The following GDPD5 variants were observed in gnomAD, a reference collection of about 807,000 sequenced individuals.
GDPD5 encodes glycerophosphodiester phosphodiesterase 2.
GDPD5 carries 48 observed loss-of-function variants against 75.1 expected under a neutral mutation model. That is an observed-to-expected ratio of 0.64 (90% CI 0.51 to 0.81). The LOEUF (loss-of-function observed/expected upper bound fraction) is 0.81. GDPD5 is among the 40% of genes least tolerant of loss of function. The pLI, the probability that GDPD5 is intolerant of heterozygous loss-of-function variation, is 0.00. For synonymous variants in GDPD5, 336 were observed against 339.0 expected (o/e 0.99, Z 0.10); for missense variants, 706 against 822.6 (o/e 0.86, Z 1.73).
At chr11:75,463,830 C>G (rs1405402818) in intron 3 of GDPD5, among the ~76,000 whole-genome samples, 1 of 152,196 alleles carries the variant, frequency 6.6e-6, no homozygotes, top group Non-Finnish European at 1.5e-5. Flanking sequence ...CCTACACAAC[C>G]AGTTCCTGCA....
At chr11:75,471,456 A>G (rs1949662768) in intron 3 of GDPD5, among the ~76,000 whole-genome samples, 1 of 152,088 alleles carries the variant, frequency 6.6e-6, no homozygotes, top group South Asian at 2.1e-4. Context: ...GGTGCATTGC[A>G]CTCAGAGTGG....
intron 4 of GDPD5, among the ~76,000 whole-genome samples, chr11:75,458,345 C>G (rs1346772312): frequency 6.6e-6 from 1 of 152,188 alleles, no homozygotes; most frequent in Non-Finnish European, 1.5e-5. Context: ...CTTCTCTGAG[C>G]CTTAGTTTCC....
chr11:75,483,829 G>A (rs984886471), intron 2 of GDPD5, among the ~76,000 whole-genome samples: 3 of 152,212 alleles, frequency 2.0e-5, no homozygotes, highest in Admixed American at 1.3e-4. Flanking sequence ...GCCAGGGGCT[G>A]GGAGGATTGG....
rs932853127 is a variant in GDPD5, at chr11:75,449,509, C to T, written c.568+8G>A. ...TTGGAGGGGCAGGCCCTTCACAGTT[C>T]TACTCACAGGTCCGCTCTGCGCGGG... On this transcript the variant is annotated splice_region_variant and intron_variant, in intron 8 of 16. Coordinates refer to ENST00000336898, the MANE Select transcript of GDPD5 (RefSeq NM_030792.8). 5 of 1,563,016 alleles carry T rather than the reference C, an allele frequency of 3.2e-6. No individual in the cohort carries two copies. Among genetic ancestry groups the T allele is most frequent in the Middle Eastern group, 1.7e-4 (1 of 6,002 alleles).
At chr11:75,489,948 G>C (rs143631002) in intron 2 of GDPD5, among the ~76,000 whole-genome samples, 2 of 152,196 alleles carry the variant, frequency 1.3e-5, no homozygotes, top group African/African-American at 4.8e-5. Context: ...ATTTAATGGA[G>C]CAAGTTTCTA....
chr11:75,503,506 G>C (rs1950333953), intron 1 of GDPD5, among the ~76,000 whole-genome samples: 2 of 152,244 alleles, frequency 1.3e-5, no homozygotes, highest in South Asian at 4.1e-4. Flanking sequence ...TTTGAACCCA[G>C]GCAGTTTAGC....
chr11:75,444,390 T>C (rs781140851), intron 10 of GDPD5, 23 bp downstream of exon 10: 16 of 1,562,568 alleles, frequency 1.0e-5, no homozygotes. Context: ...GTAGAGGAAC[T>C]ATCTCCCCTC....
At position 75,454,545 on chromosome 11, in the gene GDPD5, C is replaced by T. The variant is rs117509680; in HGVS notation, c.375+2212G>A. On this transcript the variant is annotated intron_variant, in intron 6 of 16. Transcript: ENST00000336898. ...AAAAGACAGAAAGCAGCTGGGATGT[C>T]GATCCGGTCTATCAACAGGGAACTG... Among the ~76,000 whole-genome samples the T allele has an allele frequency of 2.7e-4, 41 of 152,328 alleles. No individual in the cohort carries two copies. In the East Asian group the frequency reaches 7.7e-3, roughly 29 times the overall value.
intron 1 of GDPD5, among the ~76,000 whole-genome samples, chr11:75,509,805 G>C (rs534553010): frequency 8.5e-5 from 13 of 152,220 alleles, no homozygotes; most frequent in Middle Eastern, 3.4e-3. Flanking sequence ...TCAGCCTCCC[G>C]AGGAGCTGGG....
At chr11:75,489,426 G>C (rs1950070658) in intron 2 of GDPD5, among the ~76,000 whole-genome samples, 1 of 152,184 alleles carries the variant, frequency 6.6e-6, no homozygotes, top group South Asian at 2.1e-4. Flanking sequence ...CAAATGTCGA[G>C]GTTTCACCTT....
In GDPD5 at chr11:75,441,322, G is replaced by C. The variant is rs772801861; in HGVS notation, c.1326-12C>G. 1.5e-5 allele frequency: 24 copies of C among 1,614,074 alleles called. No homozygotes were observed. Among genetic ancestry groups the C allele is most frequent in the Middle Eastern group, 1.6e-4 (1 of 6,062 alleles). On this transcript the variant is annotated splice_polypyrimidine_tract_variant and intron_variant, in intron 13 of 16. Coordinates refer to ENST00000336898, the MANE Select transcript of GDPD5 (RefSeq NM_030792.8). ...AGGACGCGTAGTCCCTGTGGGGCAG[G>C]GGAGAGGCAGGTCAGCATGCGGACC...
At chr11:75,450,649 G>A (rs1949116896) in intron 6 of GDPD5, 1 of 152,658 alleles carries the variant, frequency 6.6e-6, no homozygotes, top group Non-Finnish European at 1.5e-5. Context: ...CAGCTCTCAT[G>A]GAGGATGAGG....
Position 75,435,483 on chromosome 11 carries a change from C to T in GDPD5, c.*24G>A, listed in dbSNP as rs991810972. On this transcript the variant is annotated 3_prime_UTR_variant, in exon 17 of 17. Transcript: ENST00000336898. ...GGCTCCCCAGCTTCTGTGTCAGGTA[C>T]AGGTGGGACAGACATGTCTTCAGCT... The T allele has an allele frequency of 1.9e-6, 3 of 1,564,316 alleles. No individual in the cohort carries two copies. The highest frequency in any genetic ancestry group is 2.7e-5 in the African/African-American group (2 of 73,796).
chr11:75,488,995 T>C (rs886874331), intron 2 of GDPD5, among the ~76,000 whole-genome samples: 1 of 152,096 alleles, frequency 6.6e-6, no homozygotes, highest in African/African-American at 2.4e-5. Flanking sequence ...TCCCCTGCAC[T>C]GGGCCTGGCA....
At position 75,477,646 on chromosome 11, in the gene GDPD5, G is replaced by A. The variant is rs1259201792; in HGVS notation, c.90C>T (p.Tyr30=). 1 of 1,599,108 alleles carries A rather than the reference G, an allele frequency of 6.3e-7. No homozygotes were observed. The highest frequency in any genetic ancestry group is 1.1e-5 in the South Asian group (1 of 89,824). Residue 30 remains tyrosine (Y), a synonymous_variant, in exon 3 of 17, where the codon TAC becomes TAT. Transcript: ENST00000336898. ...GTGTGGTATCATCATGGGAGCGCTG[G>A]TAGCGCTTCCAACGGCAGCCGTAGA... ...TGIYGCRWKR[Y]QRSHDDTTPW...
At chr11:75,508,616 A>T (rs150076252) in intron 1 of GDPD5, among the ~76,000 whole-genome samples, 40 of 152,310 alleles carry the variant, frequency 2.6e-4, no homozygotes, top group African/African-American at 9.4e-4. Flanking sequence ...CTGGGATCTT[A>T]TAAAAATAAT....
At chr11:75,465,643 C>T (rs2135311437) in intron 3 of GDPD5, among the ~76,000 whole-genome samples, 1 of 152,330 alleles carries the variant, frequency 6.6e-6, no homozygotes, top group Middle Eastern at 3.4e-3. Context: ...TCCCCTGAGG[C>T]TTAACACCCA....
chr11:75,483,033 C>A (rs188088770), intron 2 of GDPD5, among the ~76,000 whole-genome samples: 1 of 152,196 alleles, frequency 6.6e-6, no homozygotes, highest in Non-Finnish European at 1.5e-5. Context: ...ATCTCTGAGA[C>A]GGGACTCTCT....
chr11:75,474,220 G>A (rs142727366), intron 3 of GDPD5, among the ~76,000 whole-genome samples: 1 of 152,378 alleles, frequency 6.6e-6, no homozygotes, highest in African/African-American at 2.4e-5. Context: ...AGAAGTGCAA[G>A]AATCGGCTAT....
Sources: allele counts gnomAD v4.1 joint callset (sites outside exome capture counted in the v4.1 genomes callset), GRCh38; gene constraint gnomAD v4.1.1; transcripts MANE v1.5; gene names NCBI Gene and HGNC (gene_info 2026-07-23, HGNC 2026-07-21).